The following KDM2B variants were observed in gnomAD, a reference collection of about 807,000 sequenced individuals.
KDM2B encodes lysine demethylase 2B.
In KDM2B, 26 loss-of-function variants were observed where a neutral mutation model predicts 150.0. That is an observed-to-expected ratio of 0.17 (90% CI 0.13 to 0.24). KDM2B has a LOEUF of 0.24. Among genes scored for constraint, KDM2B ranks in the 10% least tolerant of loss-of-function variants. The probability of loss-of-function intolerance (pLI) is 1.00; values close to 1 mark genes in which losing one functional copy is unlikely to be tolerated. For synonymous variants in KDM2B, 734 were observed against 729.5 expected (o/e 1.01, Z -0.10); for missense variants, 1,265 against 1,816.9 (o/e 0.70, Z 5.52).
rs929408367 is a variant in KDM2B, at chr12:121,431,634, G to A, written c.3830-1165C>T. 1.2e-3 allele frequency among the ~76,000 whole-genome samples: 190 copies of A among 152,120 alleles called. 1 individual carries two copies. The highest frequency in any genetic ancestry group is 2.8e-4 in the Non-Finnish European group (19 of 68,032). ...GGTGGTGTAAAGTAGTAAAGTCAGA[G>A]CACCACATACGCCACCAAACTGACT... is the stretch of plus-strand genomic sequence containing the variant. On this transcript the variant is annotated intron_variant, in intron 22 of 22. Coordinates refer to ENST00000377071, the MANE Select transcript of KDM2B (RefSeq NM_032590.5).
intron 8 of KDM2B, among the ~76,000 whole-genome samples, chr12:121,526,582 T>C (rs1463437305): frequency 6.6e-6 from 1 of 151,714 alleles, no homozygotes; most frequent in African/African-American, 2.4e-5. Flanking sequence ...TAAAAAAAAA[T>C]GGTGTCACAT....
chr12:121,442,046 G>T lies in KDM2B; in HGVS notation c.3284+111C>A. The T allele has an allele frequency of 2.3e-6, 2 of 879,074 alleles. No individual in the cohort carries two copies. Among genetic ancestry groups the T allele is most frequent in the Middle Eastern group, 2.3e-4 (1 of 4,418 alleles). 54.5% of individuals were successfully genotyped at this position (879,074 alleles called of 1,614,324 possible). A position where few individuals can be genotyped will look rare whatever the true frequency, so the allele number is the denominator to read the frequency against. The stretch of plus-strand genomic sequence containing the variant: ...GGAACGCTTTGCGGAGCACAATGAA[G>T]CCATACTGGGGTTTGGAAGGAAAGA... On this transcript the variant is annotated intron_variant, in intron 19 of 22. Coordinates refer to ENST00000377071, the MANE Select transcript of KDM2B (RefSeq NM_032590.5). The surrounding 1 kb of genome is among the most constrained non-coding windows in gnomAD (Gnocchi z 7.7).
chr12:121,527,292 C>T (rs1887224361), intron 8 of KDM2B, among the ~76,000 whole-genome samples: 1 of 141,114 alleles, frequency 7.1e-6, no homozygotes, highest in Non-Finnish European at 1.5e-5. Context: ...TCCTGATCTG[C>T]CCGCCTTGGC....
At chr12:121,446,267 G>A (rs188385213) in intron 13 of KDM2B, among the ~76,000 whole-genome samples, 193 of 152,152 alleles carry the variant, frequency 1.3e-3, no homozygotes, top group African/African-American at 3.8e-3. Flanking sequence ...GCGTGGTGGC[G>A]GGCGCCTGTA....
At position 121,444,130 on chromosome 12, in the gene KDM2B, G is replaced by A. The variant is rs1013739022; in HGVS notation, c.2333C>T (p.Ser778Leu). The part of the protein sequence containing the change: ...SECEEAPRRR[S>L]DEHSKKVPPD... ...CGGCACCTTCTTCGAGTGCTCATCC[G>A]ACCTGCGCCGGGGCGCCTCCTCACA... Residue 778 changes from serine (S) to leucine (L), a missense_variant, in exon 16 of 23, where the codon TCG becomes TTG. Ser to Leu is a moderately radical substitution (Grantham distance 145). Around this residue, in one of 11 missense-constraint regions of KDM2B, gnomAD observed 418 missense variants for 402.4 expected, o/e 1.04. Transcript: ENST00000377071. 23 of 1,613,074 alleles carry A rather than the reference G, an allele frequency of 1.4e-5. No individual in the cohort carries two copies. Among genetic ancestry groups the A allele is most frequent in the East Asian group, 1.3e-4 (6 of 44,886 alleles).
the KDM2B span, among the ~76,000 whole-genome samples, chr12:121,412,553 GT>G: frequency 6.6e-6 from 1 of 151,400 alleles, no homozygotes; most frequent in Non-Finnish European, 1.5e-5. Flanking sequence ...TAATTTTTGT[GT>G]TTTTAGTAGA....
intron 8 of KDM2B, among the ~76,000 whole-genome samples, chr12:121,525,908 A>G (rs895657175): frequency 6.6e-5 from 10 of 152,010 alleles, no homozygotes; most frequent in African/African-American, 2.4e-4. Context: ...TGCCATCCCC[A>G]CTTATATGAC....
At chr12:121,497,706 GA>G (rs1281333129) in intron 11 of KDM2B, among the ~76,000 whole-genome samples, 1 of 152,144 alleles carries the variant, frequency 6.6e-6, no homozygotes, top group Non-Finnish European at 1.5e-5. Flanking sequence ...TCAAAACAAG[GA>G]AAGTCTAAGA....
At chr12:121,408,659 T>C in the KDM2B span, among the ~76,000 whole-genome samples, 7 of 152,212 alleles carry the variant, frequency 4.6e-5, no homozygotes, top group African/African-American at 1.7e-4. Context: ...GAGAGCCAGG[T>C]AGATGGAGTC....
intron 13 of KDM2B, among the ~76,000 whole-genome samples, chr12:121,446,376 C>T (rs782106578): frequency 1.4e-4 from 22 of 152,094 alleles, no homozygotes; most frequent in Admixed American, 9.2e-4. Flanking sequence ...CCAGCCTGGG[C>T]GACAGAGCGA....
At chr12:121,500,103 G>A (rs1193398627) in intron 11 of KDM2B, among the ~76,000 whole-genome samples, 1 of 152,060 alleles carries the variant, frequency 6.6e-6, no homozygotes, top group African/African-American at 2.4e-5. Context: ...CCTCAGGGAA[G>A]AATTTTCATT....
rs530465733 is a variant in KDM2B, at chr12:121,433,015, T to C, written c.3830-2546A>G. ...GGGGCCTCAAGTGCATCCTGGCAGT[T>C]ACCTGTCGGTGGTAAGGCAGCACTT... On this transcript the variant is annotated intron_variant, in intron 22 of 22. Transcript: ENST00000377071. 18 of 405,632 alleles carry C rather than the reference T, an allele frequency of 4.4e-5. No homozygotes were observed. In the East Asian group the frequency reaches 1.3e-3, roughly 29 times the overall value. 25.1% of individuals were successfully genotyped at this position (405,632 alleles called of 1,614,324 possible). A position where few individuals can be genotyped will look rare whatever the true frequency, so the allele number is the denominator to read the frequency against.
Position 121,549,353 on chromosome 12 carries a change from C to G in KDM2B, c.576+107G>C. Reference sequence around the variant, plus strand: ...CCCTATGCCTGCCAAGCCCAGCCAGCCACACCCACATGAGCCTTTTTGCAA... The same window carrying G: ...CCCTATGCCTGCCAAGCCCAGCCAGGCACACCCACATGAGCCTTTTTGCAA... On this transcript the variant is annotated intron_variant, in intron 5 of 22. Coordinates refer to ENST00000377071, the MANE Select transcript of KDM2B (RefSeq NM_032590.5). This position sits in a 1 kb window ranked among gnomAD's most constrained non-coding sequence, Gnocchi z 4.4. The G allele has an allele frequency of 9.5e-7, 1 of 1,057,760 alleles. No individual in the cohort carries two copies. Among genetic ancestry groups the G allele is most frequent in the Non-Finnish European group, 1.4e-6 (1 of 728,730 alleles). 65.5% of individuals were successfully genotyped at this position (1,057,760 alleles called of 1,614,324 possible). A position where few individuals can be genotyped will look rare whatever the true frequency, so the allele number is the denominator to read the frequency against.
intron 11 of KDM2B, among the ~76,000 whole-genome samples, chr12:121,502,972 T>A (rs1884722210): frequency 7.0e-6 from 1 of 142,614 alleles, no homozygotes; most frequent in South Asian, 2.1e-4. Flanking sequence ...AATCAGGTTT[T>A]TTTGTGGGTT....
chr12:121,552,759 G>A (rs1249205190), intron 4 of KDM2B, among the ~76,000 whole-genome samples: 2 of 152,126 alleles, frequency 1.3e-5, no homozygotes, highest in Non-Finnish European at 2.9e-5. Context: ...GGATCCAGGG[G>A]AAAGCAGCTT....
At chr12:121,551,397 G>A (rs1013903946) in intron 4 of KDM2B, among the ~76,000 whole-genome samples, 31 of 149,654 alleles carry the variant, frequency 2.1e-4, no homozygotes, top group Middle Eastern at 6.9e-3. Context: ...CCAGGCTGGA[G>A]AGCAATGGCA....
chr12:121,534,751 C>G, intron 6 of KDM2B, 161 bp from the exon 7 acceptor site: 1 of 591,430 alleles, frequency 1.7e-6, no homozygotes, highest in Non-Finnish European at 3.0e-6. Context: ...ATCGGAGTTC[C>G]CCACGGGGGA....
At chr12:121,479,482 G>T (rs1555297491) in intron 12 of KDM2B, among the ~76,000 whole-genome samples, 1 of 141,298 alleles carries the variant, frequency 7.1e-6, no homozygotes, top group African/African-American at 2.7e-5. Context: ...AAAAAAAACA[G>T]ATGGGGATTA....
intron 11 of KDM2B, among the ~76,000 whole-genome samples, chr12:121,503,646 G>C (rs1555302485): frequency 4.6e-5 from 7 of 152,118 alleles, no homozygotes; most frequent in Non-Finnish European, 1.5e-5. Flanking sequence ...GGGGGATGAG[G>C]GGGCTGCTGA....
Sources: allele counts gnomAD v4.1 joint callset (sites outside exome capture counted in the v4.1 genomes callset), GRCh38; gene constraint gnomAD v4.1.1; regional missense constraint gnomAD v4.1.1; non-coding constraint Gnocchi (gnomAD v3.1); transcripts MANE v1.5; gene names NCBI Gene and HGNC (gene_info 2026-07-23, HGNC 2026-07-21).